Variants in PYGO1 observed in about 807,000 individuals in gnomAD.
The protein encoded by PYGO1 is pygopus homolog 1.
Under a neutral mutation model 29.5 loss-of-function variants are expected in PYGO1, and 6 were observed. The ratio of observed to expected loss-of-function variants is 0.20; its 90% CI spans 0.11 to 0.40. PYGO1 has a LOEUF of 0.40. Among genes scored for constraint, PYGO1 ranks in the 10% least tolerant of loss-of-function variants. The pLI is 1.00. For synonymous variants in PYGO1, 186 were observed against 180.5 expected, an observed-to-expected ratio of 1.03 and a Z score of -0.24; for missense variants, 515 against 514.9, an observed-to-expected ratio of 1.00 and a Z score of 0.00.
At chr15:55,576,198 T>C (rs919990000) in intron 1 of PYGO1, among the ~76,000 whole-genome samples, 3 of 151,920 alleles carry the variant, frequency 2.0e-5, no homozygotes, top group African/African-American at 4.8e-5. Context: ...GGCTCACGTC[T>C]GTAATCCCAG....
At chr15:55,579,295 TG>T (rs1481401761) in intron 1 of PYGO1, among the ~76,000 whole-genome samples, 4 of 152,156 alleles carry the variant, frequency 2.6e-5, no homozygotes. Flanking sequence ...GAGTCTGATA[TG>T]GAAAAAGAAT....
upstream of PYGO1, chr15:55,588,839 T>C (rs747239416): frequency 4.3e-6 from 7 of 1,612,958 alleles, no homozygotes; most frequent in South Asian, 1.1e-5. Context: ...AGCTGGAGAG[T>C]TCTCGGCGGG....
chr15:55,559,785 C>T (rs28866825), intron 1 of PYGO1, among the ~76,000 whole-genome samples: 17,020 of 152,090 alleles, frequency 0.11, 1,811 homozygotes, highest in East Asian at 0.36. Context: ...TGTAAAAACC[C>T]TCAATAAAAT....
At chr15:55,567,052 A>G (rs1411194266) in intron 1 of PYGO1, among the ~76,000 whole-genome samples, 3 of 152,176 alleles carry the variant, frequency 2.0e-5, no homozygotes, top group Non-Finnish European at 2.9e-5. Context: ...CTTTTTAAAA[A>G]TAGCCATTCT....
intron 1 of PYGO1, among the ~76,000 whole-genome samples, chr15:55,557,953 T>C (rs555139164): frequency 3.7e-4 from 56 of 152,208 alleles, no homozygotes; most frequent in Admixed American, 3.1e-3. Flanking sequence ...TGCCCTCTCT[T>C]ACCACTCCTA....
At chr15:55,563,368 T>G (rs2058941608) in intron 1 of PYGO1, among the ~76,000 whole-genome samples, 1 of 143,338 alleles carries the variant, frequency 7.0e-6, no homozygotes, top group Non-Finnish European at 1.5e-5. Flanking sequence ...AATAAATTCT[T>G]TTTTTTTTTT....
rs2058819067 is a variant in PYGO1 at position 55,539,221 on chromosome 15, T to C, written c.*6802A>G. Reference sequence around the variant, plus strand: ...GCATGGTTTTTGGGGAAGAAGGGAATGGGATCAGAAGACGCAAATTGTGTT... The same window carrying C: ...GCATGGTTTTTGGGGAAGAAGGGAACGGGATCAGAAGACGCAAATTGTGTT... On this transcript the variant is annotated 3_prime_UTR_variant, in exon 3 of 3. Coordinates refer to ENST00000563719, the MANE Select transcript of PYGO1 (RefSeq NM_001367806.1). The C allele has an allele frequency of 3.3e-5, 5 of 152,140 alleles. No individual in the cohort carries two copies. The highest frequency in any genetic ancestry group is 3.3e-4 in the Admixed American group (5 of 15,264). The allele number at this position is 152,140 out of a possible 1,614,324, so 9.4% of individuals were successfully genotyped here.
chr15:55,570,091 T>G (rs560169558), intron 1 of PYGO1, among the ~76,000 whole-genome samples: 1 of 152,298 alleles, frequency 6.6e-6, no homozygotes, highest in South Asian at 2.1e-4. Context: ...GAAAGGTCAG[T>G]CAGAGAGAGG....
chr15:55,588,326 C>G lies in PYGO1; in HGVS notation c.-443G>C, dbSNP rs2059059375. ...CTGAGGAGGAGGTCTGCTCTCTCGC[C>G]GCTCCCGAGTCGCAGACACAAAAGC... On this transcript the variant is annotated 5_prime_UTR_variant, in exon 1 of 3. Coordinates refer to ENST00000563719, the MANE Select transcript of PYGO1 (RefSeq NM_001367806.1). Among the ~76,000 whole-genome samples the G allele has an allele frequency of 1.3e-5, 2 of 148,636 alleles. No homozygotes were observed. The highest frequency in any genetic ancestry group is 4.9e-5 in the African/African-American group (2 of 41,152).
chr15:55,565,425 C>T (rs1595988163), intron 1 of PYGO1, among the ~76,000 whole-genome samples: 1 of 151,992 alleles, frequency 6.6e-6, no homozygotes, highest in African/African-American at 2.4e-5. Flanking sequence ...GTATTTTGGC[C>T]AAGCGCGGTG....
rs35977807 is a variant in PYGO1, at chr15:55,543,071, T to TG, written c.*2951dup. 6.7e-5 allele frequency: 10 copies of TG among 148,322 alleles called. No individual in the cohort carries two copies. The highest frequency in any genetic ancestry group is 2.5e-4 in the African/African-American group (10 of 39,216). The allele number at this position is 148,322 out of a possible 1,614,324, so 9.2% of individuals were successfully genotyped here. On this transcript the variant is annotated 3_prime_UTR_variant, in exon 3 of 3. Transcript: ENST00000563719. ...AAACTCAAGGATGTTGGAGAAACTG[T>TG]GGGGGGTGTGTGTGTGTGTGTGTGT...
intron 1 of PYGO1, among the ~76,000 whole-genome samples, chr15:55,553,436 G>GC (rs2058889074): frequency 6.7e-6 from 1 of 150,002 alleles, no homozygotes; most frequent in South Asian, 2.1e-4. Context: ...TCGCTCTGTT[G>GC]CCAGGCTGGA....
At chr15:55,561,723 C>T (rs1376127827) in intron 1 of PYGO1, among the ~76,000 whole-genome samples, 2 of 152,130 alleles carry the variant, frequency 1.3e-5, no homozygotes, top group Non-Finnish European at 2.9e-5. Flanking sequence ...TGGATTAAGA[C>T]TTAAATGTAA....
At chr15:55,572,723 G>A (rs750282802) in intron 1 of PYGO1, among the ~76,000 whole-genome samples, 30 of 152,002 alleles carry the variant, frequency 2.0e-4, no homozygotes, top group Non-Finnish European at 2.9e-4. Flanking sequence ...ATGGAGAAAG[G>A]ACCTAGGTAC....
chr15:55,552,791 G>T (rs1334054405), intron 1 of PYGO1, among the ~76,000 whole-genome samples: 2 of 152,252 alleles, frequency 1.3e-5, no homozygotes, highest in East Asian at 3.9e-4. Flanking sequence ...ACATACTCCG[G>T]CCCCAGAAGT....
Position 55,542,173 on chromosome 15 carries a change from T to C in PYGO1, c.*3850A>G, listed in dbSNP as rs2141638338. On this transcript the variant is annotated 3_prime_UTR_variant, in exon 3 of 3. Transcript: ENST00000563719. ...CTATAGTACATTGAACAATAAGTGC[T>C]AAAACTCTAATTTGTTCGAGACAAA... 1 of 152,304 alleles carries C rather than the reference T, an allele frequency of 6.6e-6. No individual in the cohort carries two copies. Among genetic ancestry groups the C allele is most frequent in the South Asian group, 2.1e-4 (1 of 4,828 alleles). The allele number at this position is 152,304 out of a possible 1,614,324, so 9.4% of individuals were successfully genotyped here. A position where few individuals can be genotyped will look rare whatever the true frequency, so the allele number is the denominator to read the frequency against.
At chr15:55,554,693 C>G (rs572501133) in intron 1 of PYGO1, among the ~76,000 whole-genome samples, 7 of 152,072 alleles carry the variant, frequency 4.6e-5, no homozygotes, top group South Asian at 4.1e-4. Flanking sequence ...CATGATGGAG[C>G]TGAAAAACAC....
intron 1 of PYGO1, among the ~76,000 whole-genome samples, chr15:55,577,240 G>C (rs974335667): frequency 1.5e-4 from 23 of 152,090 alleles, no homozygotes; most frequent in African/African-American, 5.6e-4. Context: ...GCTGATCAAG[G>C]ATTCAAAAGA....
rs575696638 is a variant in PYGO1, at chr15:55,546,510, G to T, written c.773C>A (p.Pro258His). 11 of 1,614,098 alleles carry T rather than the reference G, an allele frequency of 6.8e-6. 1 individual carries two copies. The African/African-American group carries it at 1.5e-4, about 22-fold the overall frequency. ...CACTGTGTCATCCATATTCAAGTGA[G>T]GTGGATGAGCAGAGGAATTTTGATT... ...NTNQNSSAHP[P>H]HLNMDDTVNQ... Residue 258 changes from proline to histidine, a missense_variant, in exon 3 of 3, where the codon CCT (proline) becomes CAT (histidine). Physicochemically the swap from Pro to His is moderately conservative, Grantham distance 77. Coordinates refer to ENST00000563719, the MANE Select transcript of PYGO1 (RefSeq NM_001367806.1).
Sources: allele counts gnomAD v4.1 joint callset (sites outside exome capture counted in the v4.1 genomes callset), GRCh38; gene constraint gnomAD v4.1.1; transcripts MANE v1.5; gene names NCBI Gene and HGNC (gene_info 2026-07-23, HGNC 2026-07-21).